Variants in BCAS1 observed in about 807,000 individuals in gnomAD.
BCAS1 encodes the protein breast carcinoma-amplified sequence 1.
In BCAS1, 46 loss-of-function variants were observed where a neutral mutation model predicts 65.4. That is an observed-to-expected ratio of 0.70 (90% CI 0.55 to 0.90). The LOEUF is 0.90. Ranked by LOEUF, BCAS1 falls within the 40% of genes least tolerant of loss-of-function variation. The pLI, the probability that BCAS1 is intolerant of heterozygous loss-of-function variation, is 0.00. For synonymous variants in BCAS1, 298 were observed against 293.5 expected (o/e 1.02, Z -0.16); for missense variants, 793 against 771.2 (o/e 1.03, Z -0.33).
Position 54,059,491 on chromosome 20 carries a change from C to CTT in BCAS1, c.-5-770_-5-769dup, listed in dbSNP as rs11484469. Among the ~76,000 whole-genome samples, 308 of 148,886 alleles carry CTT rather than the reference C, an allele frequency of 2.1e-3. 2 individuals are homozygous for CTT. Among genetic ancestry groups the CTT allele is most frequent in the Middle Eastern group, 7.0e-3 (2 of 286 alleles). On this transcript the variant is annotated intron_variant, in intron 1 of 12. Transcript: ENST00000688948. ...CTATTAAAACCTTTTACACTACGGC[C>CTT]TTTTTTTTTTCATAGCATTTAGCAG...
intron 10 of BCAS1, among the ~76,000 whole-genome samples, chr20:53,959,663 A>T (rs938297329): frequency 2.0e-5 from 3 of 152,162 alleles, no homozygotes. Context: ...CTCCCAAAGC[A>T]CTGGGATTAC....
intron 12 of BCAS1, among the ~76,000 whole-genome samples, chr20:53,949,886 G>A (rs1469700684): frequency 3.9e-5 from 6 of 152,070 alleles, no homozygotes; most frequent in South Asian, 2.1e-4. Context: ...GGAGGGACTC[G>A]GTGTCTAGAA....
intron 1 of BCAS1, among the ~76,000 whole-genome samples, chr20:54,059,581 A>G (rs1002214388): frequency 1.3e-5 from 2 of 151,876 alleles, no homozygotes; most frequent in Admixed American, 1.3e-4. Context: ...ACATATGGTC[A>G]TGTGTCACTT....
chr20:53,984,324 C>T (rs764569213), intron 8 of BCAS1, among the ~76,000 whole-genome samples: 1 of 152,152 alleles, frequency 6.6e-6, no homozygotes, highest in Non-Finnish European at 1.5e-5. Flanking sequence ...CAGAATGTGT[C>T]AGCTGACATC....
At chr20:54,033,501 T>C (rs2091843721) in intron 3 of BCAS1, among the ~76,000 whole-genome samples, 1 of 150,740 alleles carries the variant, frequency 6.6e-6, no homozygotes. Flanking sequence ...CAAACAACCA[T>C]CAGAGAATAT....
chr20:53,999,732 C>G (rs186297585), intron 4 of BCAS1, among the ~76,000 whole-genome samples: 3 of 151,994 alleles, frequency 2.0e-5, no homozygotes, highest in Admixed American at 2.0e-4. Context: ...TCAATTGTCA[C>G]TTTTTTCTTT....
intron 8 of BCAS1, among the ~76,000 whole-genome samples, chr20:53,981,239 A>G (rs548375285): frequency 1.3e-5 from 2 of 152,344 alleles, no homozygotes; most frequent in African/African-American, 2.4e-5. Context: ...GACATTTTCT[A>G]TTAAGCCCAG....
chr20:54,056,276 A>C (rs139115486), intron 3 of BCAS1, among the ~76,000 whole-genome samples: 1 of 152,146 alleles, frequency 6.6e-6, no homozygotes, highest in Non-Finnish European at 1.5e-5. Flanking sequence ...CTACTCAACC[A>C]TAAAAATAAC....
chr20:53,987,771 T>G (rs979606454), intron 7 of BCAS1, among the ~76,000 whole-genome samples: 6 of 152,194 alleles, frequency 3.9e-5, no homozygotes, highest in Non-Finnish European at 8.8e-5. Flanking sequence ...CTCATGAAAA[T>G]CAGGGAAGAC....
At chr20:53,959,931 CCCT>C (rs1302253995) in intron 10 of BCAS1, among the ~76,000 whole-genome samples, 1 of 152,118 alleles carries the variant, frequency 6.6e-6, no homozygotes, top group Non-Finnish European at 1.5e-5. Flanking sequence ...GCTATTTCTT[CCCT>C]CCTCATAACC....
At chr20:53,968,764 G>T (rs1423033938) in intron 9 of BCAS1, among the ~76,000 whole-genome samples, 7 of 152,242 alleles carry the variant, frequency 4.6e-5, no homozygotes, top group African/African-American at 1.7e-4. Context: ...CAAAAGTAGT[G>T]ACAGGGATGA....
chr20:53,948,810 C>A (rs537025478), intron 12 of BCAS1, among the ~76,000 whole-genome samples: 1 of 152,138 alleles, frequency 6.6e-6, no homozygotes, highest in Non-Finnish European at 1.5e-5. Context: ...CTAGGTCATG[C>A]GGTAACGGCC....
At chr20:54,061,835 G>A (rs1214233265) in intron 1 of BCAS1, among the ~76,000 whole-genome samples, 1 of 152,154 alleles carries the variant, frequency 6.6e-6, no homozygotes, top group Non-Finnish European at 1.5e-5. Flanking sequence ...CTGTTAATGG[G>A]ACATTATGAA....
rs36063430 is a variant in BCAS1, at chr20:53,981,539, CT to C, written c.1275+3747del. ...CACTGAATATCAGTCATTTGGCGTT[CT>C]TTTTTTTTTTTTTTTTACTCGATCC... is the stretch of plus-strand genomic sequence containing the variant. On this transcript the variant is annotated intron_variant, in intron 8 of 12. Coordinates refer to ENST00000688948, the MANE Select transcript of BCAS1 (RefSeq NM_001366298.2). 8.9e-3 allele frequency among the ~76,000 whole-genome samples: 1,163 copies of C among 130,674 alleles called. 6 individuals are homozygous for C. The highest frequency in any genetic ancestry group is 0.027 in the East Asian group (124 of 4,546). The allele number at this position is 130,674 out of a possible 152,430, so 85.7% of individuals were successfully genotyped here. A position where few individuals can be genotyped will look rare whatever the true frequency, so the allele number is the denominator to read the frequency against.
At chr20:54,050,365 A>G (rs1331468543) in intron 3 of BCAS1, among the ~76,000 whole-genome samples, 1 of 152,180 alleles carries the variant, frequency 6.6e-6, no homozygotes, top group Non-Finnish European at 1.5e-5. Context: ...GATGGGAGGA[A>G]GGGCACCGTG....
chr20:54,015,974 A>C (rs2091429505), intron 4 of BCAS1, among the ~76,000 whole-genome samples: 1 of 152,258 alleles, frequency 6.6e-6, no homozygotes, highest in Non-Finnish European at 1.5e-5. Flanking sequence ...TATTACTGAA[A>C]GTCAACTGCT....
At chr20:53,998,865 A>G (rs984284225) in intron 4 of BCAS1, among the ~76,000 whole-genome samples, 4 of 152,212 alleles carry the variant, frequency 2.6e-5, no homozygotes, top group Admixed American at 6.5e-5. Context: ...AAATAAATGC[A>G]TTAAACATAT....
At chr20:54,037,091 C>T (rs1297916161) in intron 3 of BCAS1, among the ~76,000 whole-genome samples, 1 of 150,974 alleles carries the variant, frequency 6.6e-6, no homozygotes, top group East Asian at 1.9e-4. Flanking sequence ...CTTTCACTTG[C>T]TACAGCTGTG....
chr20:54,063,455 C>T (rs1250638519), intron 1 of BCAS1, among the ~76,000 whole-genome samples: 3 of 152,114 alleles, frequency 2.0e-5, no homozygotes, highest in African/African-American at 4.8e-5. Flanking sequence ...CACAGGTGCC[C>T]GGTAGTGAGA....
Sources: allele counts gnomAD v4.1 joint callset (sites outside exome capture counted in the v4.1 genomes callset), GRCh38; gene constraint gnomAD v4.1.1; transcripts MANE v1.5; gene names NCBI Gene and HGNC (gene_info 2026-07-23, HGNC 2026-07-21).